DLGAP2: variants seen among roughly 807,000 people sequenced by gnomAD.
The protein encoded by DLGAP2 is disks large-associated protein 2.
A neutral mutation model predicts 100.3 loss-of-function variants in DLGAP2; 26 were observed. That is an observed-to-expected ratio of 0.26 (90% CI 0.19 to 0.36). The LOEUF (loss-of-function observed/expected upper bound fraction) is 0.36, where lower values mean the gene tolerates loss of function less well. Among genes scored for constraint, DLGAP2 ranks in the 10% least tolerant of loss-of-function variants. The pLI is 1.00. For synonymous variants in DLGAP2, 886 were observed against 630.1 expected (o/e 1.41, Z -6.08); for missense variants, 1,858 against 1,453.2 (o/e 1.28, Z -4.53).
At chr8:1,312,937 G>A (rs539401185) in intron 3 of DLGAP2, among the ~76,000 whole-genome samples, 12 of 152,288 alleles carry the variant, frequency 7.9e-5, no homozygotes, top group South Asian at 6.2e-4. Flanking sequence ...CAAGCCCTAC[G>A]TGCGGTATGG....
At position 1,240,769 on chromosome 8, in the gene DLGAP2, T is replaced by C. The variant is rs1563274106; in HGVS notation, c.74-18082T>C. Among the ~76,000 whole-genome samples the C allele has an allele frequency of 1.4e-4, 5 of 34,684 alleles. 1 individual carries two copies. Among genetic ancestry groups the C allele is most frequent in the Admixed American group, 5.0e-4 (2 of 3,992 alleles). 22.8% of individuals were successfully genotyped at this position (34,684 alleles called of 152,430 possible). On this transcript the variant is annotated intron_variant, in intron 2 of 14. Transcript: ENST00000637795. Reference sequence around the variant, plus strand: ...TTCTCTCGCATGGCGCCGTGTCTAGTTGTCTCACATGGTGCCGTTTCTAGT... The same window carrying C: ...TTCTCTCGCATGGCGCCGTGTCTAGCTGTCTCACATGGTGCCGTTTCTAGT...
chr8:796,092 C>T (rs972839452), intron 1 of DLGAP2, among the ~76,000 whole-genome samples: 24 of 144,286 alleles, frequency 1.7e-4, no homozygotes, highest in Non-Finnish European at 3.7e-4. Context: ...TGAGAGCAGG[C>T]GTCCAGTGAG....
intron 3 of DLGAP2, among the ~76,000 whole-genome samples, chr8:1,373,344 CGCCTGGACCGT>C (rs1196728211): frequency 1.3e-5 from 2 of 151,124 alleles, no homozygotes; most frequent in East Asian, 3.9e-4. Flanking sequence ...GGAGGCGCCG[CGCCTGGACCGT>C]GGCCGCAGGT....
chr8:1,134,482 C>T (rs1264032982), intron 2 of DLGAP2, among the ~76,000 whole-genome samples: 5 of 131,154 alleles, frequency 3.8e-5, no homozygotes, highest in Non-Finnish European at 8.0e-5. Context: ...TTTCTGCCAC[C>T]TTGTAAGCAT....
Position 1,040,598 on chromosome 8 carries a change from G to A in DLGAP2, c.73+132632G>A, listed in dbSNP as rs991220849. 5.4e-5 allele frequency among the ~76,000 whole-genome samples: 8 copies of A among 148,066 alleles called. No homozygotes were observed. The East Asian group carries it at 6.1e-4, about 11-fold the overall frequency. ...GGTTTCCGTGGTCGGCTCAGTGTGC[G>A]TGGTCAGCTCGGTGTGCGTGGTCGG... On this transcript the variant is annotated intron_variant, in intron 2 of 14. Transcript: ENST00000637795.
intron 2 of DLGAP2, among the ~76,000 whole-genome samples, chr8:1,172,244 T>A (rs890543371): frequency 1.5e-4 from 23 of 152,188 alleles, no homozygotes; most frequent in Admixed American, 1.1e-3. Flanking sequence ...AGTTTCTGCC[T>A]AGAGATCAGC....
chr8:1,678,717 C>G, intron 12 of DLGAP2, 88 bp downstream of exon 12: 1 of 1,347,850 alleles, frequency 7.4e-7, no homozygotes. Context: ...GAGAAAAGTT[C>G]CTCCCTTTGG....
At chr8:1,328,371 T>C (rs981994267) in intron 3 of DLGAP2, among the ~76,000 whole-genome samples, 3 of 151,934 alleles carry the variant, frequency 2.0e-5, no homozygotes, top group Admixed American at 1.3e-4. Flanking sequence ...CAGGCTGGAG[T>C]AGAGTGGCAT....
rs1374761209 is a variant in DLGAP2, at chr8:1,105,826, G to T, written c.74-153025G>T. Among the ~76,000 whole-genome samples the T allele has an allele frequency of 4.6e-5, 7 of 151,142 alleles. No homozygotes were observed. The East Asian group carries it at 1.4e-3, about 30-fold the overall frequency. On this transcript the variant is annotated intron_variant, in intron 2 of 14. Transcript: ENST00000637795. ...ATTCTAGGAGGGTTTTCTACTGAAG[G>T]GGGCCATTCTAGGAGGGTTTTCTAC...
chr8:1,312,638 C>A (rs911326697), intron 3 of DLGAP2, among the ~76,000 whole-genome samples: 1 of 152,172 alleles, frequency 6.6e-6, no homozygotes, highest in Non-Finnish European at 1.5e-5. Context: ...CATAATTACA[C>A]ACTTAAAATG....
chr8:1,681,255 G>C (rs1318712332), intron 12 of DLGAP2, among the ~76,000 whole-genome samples: 1 of 152,020 alleles, frequency 6.6e-6, no homozygotes, highest in Non-Finnish European at 1.5e-5. Context: ...TACTTCTCCT[G>C]TCATCATTTT....
At chr8:1,515,070 G>A (rs2130387919) in intron 4 of DLGAP2, among the ~76,000 whole-genome samples, 1 of 152,236 alleles carries the variant, frequency 6.6e-6, no homozygotes, top group Non-Finnish European at 1.5e-5. Flanking sequence ...CCTGCAGGGA[G>A]ACCAACATGC....
intron 1 of DLGAP2, among the ~76,000 whole-genome samples, chr8:899,521 C>G (rs1798210174): frequency 6.6e-6 from 1 of 152,204 alleles, no homozygotes; most frequent in Non-Finnish European, 1.5e-5. Context: ...CCTGGCCTCT[C>G]TGGCTGTGTG....
intron 2 of DLGAP2, among the ~76,000 whole-genome samples, chr8:996,345 G>A (rs190642266): frequency 3.0e-4 from 45 of 152,308 alleles, no homozygotes; most frequent in Middle Eastern, 6.8e-3. Flanking sequence ...GAGGGCCCCA[G>A]TGTCACCATG....
At chr8:1,408,719 T>C (rs1023515517) in intron 3 of DLGAP2, among the ~76,000 whole-genome samples, 3 of 150,810 alleles carry the variant, frequency 2.0e-5, no homozygotes, top group African/African-American at 7.3e-5. Flanking sequence ...GTGCAGAGGG[T>C]TTTCTGGTGA....
At chr8:1,317,044 G>A (rs529947789) in intron 3 of DLGAP2, among the ~76,000 whole-genome samples, 9 of 118,370 alleles carry the variant, frequency 7.6e-5, no homozygotes, top group East Asian at 2.3e-4. Flanking sequence ...GAGCGTGTGC[G>A]AGTGCAGCGT....
intron 2 of DLGAP2, among the ~76,000 whole-genome samples, chr8:1,118,549 G>GGCTGCT (rs367619218): frequency 9.2e-5 from 14 of 151,700 alleles, no homozygotes; most frequent in African/African-American, 2.7e-4. Flanking sequence ...AAATGAATGG[G>GGCTGCT]GCTGCTGCTG....
At chr8:1,691,850 G>C (rs1463841237) in intron 13 of DLGAP2, among the ~76,000 whole-genome samples, 3 of 139,558 alleles carry the variant, frequency 2.1e-5, no homozygotes, top group Non-Finnish European at 4.7e-5. Context: ...TGGTTTAAAC[G>C]CGGTACCGAG....
At chr8:765,944 A>G (rs1821203464) in intron 1 of DLGAP2, among the ~76,000 whole-genome samples, 1 of 152,168 alleles carries the variant, frequency 6.6e-6, no homozygotes, top group Non-Finnish European at 1.5e-5. Context: ...TGATGCAGAC[A>G]CATCACAAGG....
Sources: allele counts gnomAD v4.1 joint callset (sites outside exome capture counted in the v4.1 genomes callset), GRCh38; gene constraint gnomAD v4.1.1; transcripts MANE v1.5; gene names NCBI Gene and HGNC (gene_info 2026-07-23, HGNC 2026-07-21).